AIG1: variants seen among roughly 807,000 people sequenced by gnomAD.
AIG1 encodes the protein androgen induced 1.
Under a neutral mutation model 31.4 loss-of-function variants are expected in AIG1, and 23 were observed. The observed-to-expected ratio is 0.73, with a 90% CI of 0.53 to 1.04. AIG1 has a LOEUF of 1.04. Ranked by LOEUF, AIG1 falls within the 50% of genes least tolerant of loss-of-function variation. AIG1 has a pLI of 0.00. For missense variants in AIG1, 274 were observed against 295.0 expected (o/e 0.93, Z 0.52); for synonymous variants, 100 against 110.5 (o/e 0.90, Z 0.60).
chr6:143,151,454 A>G (rs570271516), intron 2 of AIG1, among the ~76,000 whole-genome samples: 139 of 152,248 alleles, frequency 9.1e-4, no homozygotes, highest in African/African-American at 3.3e-3. Flanking sequence ...ATAACTTGCT[A>G]TATATTTTCC....
At chr6:143,156,048 G>A (rs1222934933) in intron 2 of AIG1, among the ~76,000 whole-genome samples, 3 of 152,182 alleles carry the variant, frequency 2.0e-5, no homozygotes, top group Admixed American at 2.0e-4. Flanking sequence ...CTGGGACAGG[G>A]AGTGACAAAG....
chr6:143,072,037 C>A (rs1777336228), intron 1 of AIG1, among the ~76,000 whole-genome samples: 1 of 151,982 alleles, frequency 6.6e-6, no homozygotes, highest in Non-Finnish European at 1.5e-5. Context: ...AGTGATCCTC[C>A]CATTTCAGTC....
chr6:143,342,855 C>T, downstream of AIG1: 1 of 825,440 alleles, frequency 1.2e-6, no homozygotes, highest in Non-Finnish European at 2.2e-6. Flanking sequence ...CCTCAAAAGT[C>T]CGTTGTTCTC....
chr6:143,258,178 A>C lies in AIG1; in HGVS notation c.400-25932A>C, dbSNP rs1296657157. Reference sequence around the variant, plus strand: ...GAATTAACCATTTCTATAAAATGCTAAAGAAGGGCAGTCCCCAGTTTCCTC... The same window carrying C: ...GAATTAACCATTTCTATAAAATGCTCAAGAAGGGCAGTCCCCAGTTTCCTC... On this transcript the variant is annotated intron_variant, in intron 3 of 5. Coordinates refer to ENST00000357847, the MANE Select transcript of AIG1 (RefSeq NM_016108.4). This position sits in a 1 kb window ranked among gnomAD's most constrained non-coding sequence, Gnocchi z 4.7. 6.6e-6 allele frequency among the ~76,000 whole-genome samples: 1 copy of C among 152,206 alleles called. No individual in the cohort carries two copies. The highest frequency in any genetic ancestry group is 1.5e-5 in the Non-Finnish European group (1 of 68,034).
At chr6:143,283,209 G>T (rs1797467130) in intron 3 of AIG1, among the ~76,000 whole-genome samples, 1 of 152,120 alleles carries the variant, frequency 6.6e-6, no homozygotes, top group African/African-American at 2.4e-5. Flanking sequence ...ACCTATAGAT[G>T]GGATAAATTT....
intron 1 of AIG1, among the ~76,000 whole-genome samples, chr6:143,098,784 C>T (rs1259786304): frequency 6.6e-6 from 1 of 152,168 alleles, no homozygotes; most frequent in African/African-American, 2.4e-5. Flanking sequence ...GTATGTTGTT[C>T]TTATGGATTA....
intron 3 of AIG1, among the ~76,000 whole-genome samples, chr6:143,206,071 A>G (rs764837959): frequency 7.9e-5 from 12 of 152,240 alleles, no homozygotes; most frequent in Admixed American, 5.2e-4. Flanking sequence ...TCTTTTTCTT[A>G]TTAAGTTTCC....
At chr6:143,094,945 T>C (rs137970066) in intron 1 of AIG1, among the ~76,000 whole-genome samples, 37 of 151,958 alleles carry the variant, frequency 2.4e-4, no homozygotes, top group Non-Finnish European at 5.0e-4. Context: ...ATGCCATGAG[T>C]TGAGAATTGA....
At chr6:143,061,589 C>G (rs1458785772) in intron 1 of AIG1, 1 of 291,544 alleles carries the variant, frequency 3.4e-6, no homozygotes, top group Non-Finnish European at 6.9e-6. Flanking sequence ...AAGTTGTCTT[C>G]TTTGCATCTG....
chr6:143,154,442 T>C (rs1785529510), intron 2 of AIG1, among the ~76,000 whole-genome samples: 1 of 151,984 alleles, frequency 6.6e-6, no homozygotes, highest in South Asian at 2.1e-4. Flanking sequence ...GTTAAGGTTG[T>C]GGGGAGGGTG....
intron 3 of AIG1, among the ~76,000 whole-genome samples, chr6:143,196,066 C>G (rs1273316092): frequency 1.3e-5 from 2 of 152,170 alleles, no homozygotes; most frequent in African/African-American, 4.8e-5. Flanking sequence ...TGTTTCTGGC[C>G]TGTGGCCTTA....
At chr6:143,285,332 G>A (rs935295362) in intron 4 of AIG1, among the ~76,000 whole-genome samples, 26 of 150,492 alleles carry the variant, frequency 1.7e-4, no homozygotes, top group Non-Finnish European at 3.1e-4. Context: ...ATGAGCCACC[G>A]CGTCCAGCTG....
chr6:143,111,613 A>G (rs1339947198), intron 1 of AIG1, among the ~76,000 whole-genome samples: 1 of 152,182 alleles, frequency 6.6e-6, no homozygotes, highest in Admixed American at 6.5e-5. Flanking sequence ...ATCCTGAAAT[A>G]TCCTACACTA....
chr6:143,227,967 C>A (rs1448276164), intron 3 of AIG1, among the ~76,000 whole-genome samples: 1 of 152,208 alleles, frequency 6.6e-6, no homozygotes, highest in East Asian at 1.9e-4. Flanking sequence ...AACCTCCTCT[C>A]TTTCTATTTT....
chr6:143,278,995 CT>C (rs1417068970), intron 3 of AIG1, among the ~76,000 whole-genome samples: 2 of 151,712 alleles, frequency 1.3e-5, no homozygotes, highest in East Asian at 3.9e-4. Flanking sequence ...TGGGTGAGAA[CT>C]TTAAAAAAAA....
chr6:143,124,243 G>A (rs1482092099), intron 1 of AIG1, among the ~76,000 whole-genome samples: 3 of 152,208 alleles, frequency 2.0e-5, no homozygotes, highest in African/African-American at 4.8e-5. Context: ...AGCGCTGAAG[G>A]GCCATTGCAG....
rs1797827626 is a variant in AIG1, at chr6:143,288,258, C to T, written c.515+4033C>T. ...CAACTCAGACCCTAGGAAATGTACA[C>T]CCTCAAAGCTTCAAGAATGGTCTCT... On this transcript the variant is annotated intron_variant, in intron 4 of 5. Coordinates refer to ENST00000357847, the MANE Select transcript of AIG1 (RefSeq NM_016108.4). The surrounding 1 kb of genome is among the most constrained non-coding windows in gnomAD (Gnocchi z 4.4). 6.6e-6 allele frequency among the ~76,000 whole-genome samples: 1 copy of T among 152,124 alleles called. No individual in the cohort carries two copies. Among genetic ancestry groups the T allele is most frequent in the African/African-American group, 2.4e-5 (1 of 41,404 alleles).
intron 3 of AIG1, among the ~76,000 whole-genome samples, chr6:143,202,440 G>T (rs879272912): frequency 6.6e-6 from 1 of 152,098 alleles, no homozygotes; most frequent in Admixed American, 6.6e-5. Flanking sequence ...GTTGGTTTTT[G>T]ATTTGGTTTG....
rs1777795122 is a variant in AIG1 at position 143,340,079 on chromosome 6, A to G, written c.*403A>G. ...ATAGAGTAAGGCTTTTGTGTATTTAATCCTAAAGGTGGCTGTAATCATGAA... is the reference window on the plus strand; with the variant it reads ...ATAGAGTAAGGCTTTTGTGTATTTAGTCCTAAAGGTGGCTGTAATCATGAA... On this transcript the variant is annotated 3_prime_UTR_variant, in exon 6 of 6. Transcript: ENST00000357847. 2 of 154,756 alleles carry G rather than the reference A, an allele frequency of 1.3e-5. No homozygotes were observed. The highest frequency in any genetic ancestry group is 2.9e-5 in the Non-Finnish European group (2 of 69,896). 9.6% of individuals were successfully genotyped at this position (154,756 alleles called of 1,614,324 possible).
Sources: gnomAD v4.1 joint callset for allele counts (sites outside exome capture counted in the v4.1 genomes callset) on GRCh38, gnomAD v4.1.1 for gene constraint, Gnocchi (gnomAD v3.1) non-coding constraint, MANE v1.5 for transcripts, NCBI Gene and HGNC (gene_info 2026-07-23, HGNC 2026-07-21) for gene names.